Variants in THADA observed in about 807,000 individuals in gnomAD.
THADA encodes the protein tRNA (32-2'-O)-methyltransferase regulator THADA.
THADA carries 213 observed loss-of-function variants against 219.8 expected under a neutral mutation model. The observed-to-expected ratio is 0.97, with a 90% CI of 0.87 to 1.09. THADA has a LOEUF of 1.09. Ranked by LOEUF, THADA falls within the 50% of genes least tolerant of loss-of-function variation. The pLI is 0.00. For synonymous variants in THADA, 1,018 were observed against 828.9 expected (o/e 1.23, Z -3.92); for missense variants, 2,956 against 2,311.3 (o/e 1.28, Z -5.72).
chr2:43,580,747 G>A (rs1364284296), intron 8 of THADA, among the ~76,000 whole-genome samples: 1 of 152,022 alleles, frequency 6.6e-6, no homozygotes, highest in African/African-American at 2.4e-5. Context: ...AGGCGTGGTG[G>A]TGCATGCCTG....
At chr2:43,379,894 T>C (rs1291177194) in intron 29 of THADA, among the ~76,000 whole-genome samples, 4 of 152,210 alleles carry the variant, frequency 2.6e-5, no homozygotes, top group African/African-American at 9.7e-5. Flanking sequence ...TGGATGAATA[T>C]TAAATGTATT....
rs188694373 is a variant in THADA at position 43,552,475 on chromosome 2, C to A, written c.2675-136G>T. 3,597 of 973,796 alleles carry A rather than the reference C, an allele frequency of 3.7e-3. 13 individuals are homozygous for A. Among genetic ancestry groups the A allele is most frequent in the South Asian group, 6.8e-3 (377 of 55,436 alleles). 60.3% of individuals were successfully genotyped at this position (973,796 alleles called of 1,614,324 possible). ...TAGAGTTTTTTAATCAAAAAGAGATCTTTCAGGGTTATCCAACAGGGTGGC... is the reference window on the plus strand; with the variant it reads ...TAGAGTTTTTTAATCAAAAAGAGATATTTCAGGGTTATCCAACAGGGTGGC... On this transcript the variant is annotated intron_variant, in intron 17 of 37. Transcript: ENST00000405975.
In THADA at chr2:43,325,695, GC is replaced by G. The variant is rs140813028; in HGVS notation, c.4344-5156del. Among the ~76,000 whole-genome samples, 955 of 152,154 alleles carry G rather than the reference GC, an allele frequency of 6.3e-3. 4 individuals are homozygous for G. Among genetic ancestry groups the G allele is most frequent in the African/African-American group, 0.02 (835 of 41,500 alleles). ...CAAAGTAGTGTAGTAAGGACAGAGGGCAGGAGATTTAAAGAAGTTCAGAGAT... is the reference window on the plus strand; with the variant it reads ...CAAAGTAGTGTAGTAAGGACAGAGGGAGGAGATTTAAAGAAGTTCAGAGAT... On this transcript the variant is annotated intron_variant, in intron 30 of 37. Coordinates refer to ENST00000405975, the MANE Select transcript of THADA (RefSeq NM_022065.5).
chr2:43,483,051 G>A (rs1449015204), intron 26 of THADA, among the ~76,000 whole-genome samples: 1 of 152,114 alleles, frequency 6.6e-6, no homozygotes, highest in East Asian at 1.9e-4. Context: ...CCCATTAGAT[G>A]GAAAAAGCAG....
chr2:43,335,242 A>G (rs994673083), intron 30 of THADA, among the ~76,000 whole-genome samples: 3 of 152,202 alleles, frequency 2.0e-5, no homozygotes, highest in Admixed American at 6.5e-5. Context: ...AATTACTGCC[A>G]TGCAAAACCC....
At chr2:43,376,975 C>G (rs1256544096) in intron 29 of THADA, among the ~76,000 whole-genome samples, 3 of 152,172 alleles carry the variant, frequency 2.0e-5, no homozygotes, top group Non-Finnish European at 4.4e-5. Flanking sequence ...GTCACCTCCT[C>G]AGGTCTGTTT....
intron 29 of THADA, among the ~76,000 whole-genome samples, chr2:43,369,462 G>T (rs904977672): frequency 7.9e-5 from 12 of 152,104 alleles, no homozygotes; most frequent in Non-Finnish European, 1.8e-4. Flanking sequence ...ATCACTTGGG[G>T]GATACACCTT....
chr2:43,284,231 T>C (rs1167278775), intron 35 of THADA, among the ~76,000 whole-genome samples: 2 of 152,078 alleles, frequency 1.3e-5, no homozygotes, highest in East Asian at 3.9e-4. Flanking sequence ...GGAAAATGTC[T>C]CCAGGGCATT....
intron 28 of THADA, among the ~76,000 whole-genome samples, chr2:43,415,091 C>T (rs925388053): frequency 6.6e-6 from 1 of 152,154 alleles, no homozygotes; most frequent in Non-Finnish European, 1.5e-5. Context: ...CCAACGTATT[C>T]TATTTATCTT....
At chr2:43,391,941 A>G (rs1247626029) in intron 29 of THADA, 1 of 152,258 alleles carries the variant, frequency 6.6e-6, no homozygotes, top group Non-Finnish European at 1.5e-5. Context: ...GACAAGAGTG[A>G]GCATTTTCTT....
intron 36 of THADA, among the ~76,000 whole-genome samples, chr2:43,247,236 C>T (rs531980132): frequency 1.8e-4 from 28 of 152,092 alleles, no homozygotes; most frequent in Admixed American, 7.2e-4. Context: ...TCAGACTACA[C>T]TGAAAATGGC....
chr2:43,249,325 C>T (rs1168735968), intron 36 of THADA, among the ~76,000 whole-genome samples: 1 of 152,170 alleles, frequency 6.6e-6, no homozygotes, highest in Non-Finnish European at 1.5e-5. Context: ...TGGGCTCAAG[C>T]ATTGCTCCCA....
chr2:43,309,287 C>A (rs146387642), intron 31 of THADA, among the ~76,000 whole-genome samples: 25 of 152,320 alleles, frequency 1.6e-4, no homozygotes, highest in Middle Eastern at 6.8e-3. Context: ...TTGGTAGTTT[C>A]TTGTAACATT....
intron 25 of THADA, among the ~76,000 whole-genome samples, chr2:43,487,872 T>C (rs1302108073): frequency 6.6e-6 from 1 of 152,216 alleles, no homozygotes; most frequent in Non-Finnish European, 1.5e-5. Flanking sequence ...TATTTTGTTA[T>C]AGCAGCCCGA....
chr2:43,434,306 T>C lies in THADA; in HGVS notation c.3837-4004A>G, dbSNP rs539165635. Among the ~76,000 whole-genome samples, 10 of 152,308 alleles carry C rather than the reference T, an allele frequency of 6.6e-5. No individual in the cohort carries two copies. In the South Asian group the frequency reaches 2.1e-3, roughly 32 times the overall value. The stretch of plus-strand genomic sequence containing the variant: ...ATTGGATCCCAAGCTCCCACTGATA[T>C]GAGAAGAGGGCAGGGAAGTGCTGGG... On this transcript the variant is annotated intron_variant, in intron 26 of 37. Coordinates refer to ENST00000405975, the MANE Select transcript of THADA (RefSeq NM_022065.5).
At chr2:43,351,659 C>G (rs1253725372) in intron 29 of THADA, among the ~76,000 whole-genome samples, 1 of 152,136 alleles carries the variant, frequency 6.6e-6, no homozygotes. Flanking sequence ...GGGAGAGGGG[C>G]TGAAAACAGA....
chr2:43,533,230 C>G (rs1471258739), intron 21 of THADA, among the ~76,000 whole-genome samples: 2 of 152,172 alleles, frequency 1.3e-5, no homozygotes, highest in Non-Finnish European at 2.9e-5. Flanking sequence ...ATTAAAAAGT[C>G]TGGAAACAAC....
intron 25 of THADA, among the ~76,000 whole-genome samples, chr2:43,498,587 T>C (rs1466352352): frequency 1.3e-5 from 2 of 151,588 alleles, no homozygotes; most frequent in Admixed American, 6.6e-5. Flanking sequence ...CAAACATACA[T>C]ACTGTAAACC....
chr2:43,267,094 T>C (rs1269574267), intron 36 of THADA, among the ~76,000 whole-genome samples: 1 of 152,240 alleles, frequency 6.6e-6, no homozygotes, highest in Non-Finnish European at 1.5e-5. Flanking sequence ...GTCTGCATTT[T>C]GGGTGATGTG....
Sources: allele counts gnomAD v4.1 joint callset (sites outside exome capture counted in the v4.1 genomes callset), GRCh38; gene constraint gnomAD v4.1.1; transcripts MANE v1.5; gene names NCBI Gene and HGNC (gene_info 2026-07-23, HGNC 2026-07-21).